WDR62: variants seen among roughly 807,000 people sequenced by gnomAD.
WDR62 encodes WD repeat-containing protein 62.
A neutral mutation model predicts 160.6 loss-of-function variants in WDR62; 112 were observed. The ratio of observed to expected loss-of-function variants is 0.70; its 90% CI spans 0.60 to 0.82. WDR62 has a LOEUF of 0.82. Among genes scored for constraint, WDR62 ranks in the 40% least tolerant of loss-of-function variants. WDR62 has a pLI of 0.00. For synonymous variants in WDR62, 792 were observed against 815.1 expected, an observed-to-expected ratio of 0.97 and a Z score of 0.48; for missense variants, 1,819 against 1,983.8, an observed-to-expected ratio of 0.92 and a Z score of 1.58.
intron 9 of WDR62, among the ~76,000 whole-genome samples, chr19:36,080,268 C>T (rs1313431088): frequency 8.0e-5 from 12 of 150,522 alleles, no homozygotes; most frequent in Non-Finnish European, 1.5e-4. Flanking sequence ...CCACCACGCC[C>T]GGCTAATTTT....
At chr19:36,101,089 G>A (rs1013618841) in intron 23 of WDR62, 125 bp from the exon 24 acceptor site, 22 of 1,164,810 alleles carry the variant, frequency 1.9e-5, no homozygotes, top group African/African-American at 9.1e-5. Context: ...TGGAGGAGGC[G>A]GGGAGGCTGT....
chr19:36,093,608 A>G (rs1014766978), intron 19 of WDR62, among the ~76,000 whole-genome samples: 3 of 152,020 alleles, frequency 2.0e-5, no homozygotes, highest in Non-Finnish European at 4.4e-5. Context: ...TGTTAGAGAT[A>G]TCTTGCTTTT....
chr19:36,092,301 ACT>A (rs934733933), intron 18 of WDR62, among the ~76,000 whole-genome samples: 3 of 148,596 alleles, frequency 2.0e-5, no homozygotes, highest in African/African-American at 5.0e-5. Flanking sequence ...ACAGAGCAAG[ACT>A]CTCTCAAAAA....
intron 9 of WDR62, among the ~76,000 whole-genome samples, chr19:36,079,606 C>T (rs1362345344): frequency 2.0e-5 from 3 of 152,236 alleles, no homozygotes; most frequent in African/African-American, 2.4e-5. Flanking sequence ...ACCCCTTGCA[C>T]TCAACTGCTG....
intron 22 of WDR62, among the ~76,000 whole-genome samples, chr19:36,100,257 A>G (rs1350297743): frequency 6.6e-6 from 1 of 152,186 alleles, no homozygotes; most frequent in Non-Finnish European, 1.5e-5. Context: ...TCCAAACAAA[A>G]TTCATTTTTA....
At chr19:36,095,907 C>G (rs1548506) in intron 20 of WDR62, among the ~76,000 whole-genome samples, 92,042 of 152,120 alleles carry the variant, frequency 0.61, 28,189 homozygotes, top group African/African-American at 0.69. Flanking sequence ...ACAAAGCAGA[C>G]GCCTGCGAAA....
At chr19:36,095,771 G>A (rs62109757) in intron 20 of WDR62, among the ~76,000 whole-genome samples, 20,745 of 152,240 alleles carry the variant, frequency 0.14, 1,730 homozygotes, top group Middle Eastern at 0.25. Context: ...TCCAGCCTGG[G>A]TGACAAAGCA....
At chr19:36,102,177 G>C (rs1466808195) in intron 26 of WDR62, 26 bp downstream of exon 26, 7 of 1,613,676 alleles carry the variant, frequency 4.3e-6, no homozygotes, top group Non-Finnish European at 5.9e-6. Flanking sequence ...ACCCACACCT[G>C]CCGAGGCCGT....
In WDR62 at chr19:36,102,982, T is replaced by C; in HGVS notation, c.3370T>C (p.Cys1124Arg). 1 of 1,614,136 alleles carries C rather than the reference T, an allele frequency of 6.2e-7. No individual in the cohort carries two copies. The highest frequency in any genetic ancestry group is 1.1e-5 in the South Asian group (1 of 91,084). ...THTFPPRATQ[C>R]LVKSPEVKLM... is the part of the protein sequence containing the mutation. ...TACCTTCCCTCCCCGGGCAACCCAG[T>C]GCCTTGTGAAGTCTCCAGAGGTCAA... The change falls in exon 28 of 32, where the codon TGC becomes CGC. Residue 1124 changes from cysteine (C) to arginine (R), a missense_variant. This residue lies in a region of WDR62 where 770 missense variants were observed against 734.2 expected (regional missense o/e 1.05). Coordinates refer to ENST00000401500, the MANE Select transcript of WDR62 (RefSeq NM_001083961.2).
rs765881142 is a variant in WDR62 at position 36,103,638 on chromosome 19, C to T, written c.3810C>T (p.Thr1270=). ...SLGQELQAIT[T]ATTPSLDSEG... Reference sequence around the variant, plus strand: ...GCCAGGAGCTTCAGGCCATCACCACCGCGACAACACCCAGTTTGGACAGTG... The same window carrying T: ...GCCAGGAGCTTCAGGCCATCACCACTGCGACAACACCCAGTTTGGACAGTG... The change falls in exon 30 of 32, where the codon ACC becomes ACT. Residue 1270 remains threonine, a synonymous_variant. Transcript: ENST00000401500. 73 of 1,609,762 alleles carry T rather than the reference C, an allele frequency of 4.5e-5. No homozygotes were observed. The East Asian group carries it at 6.5e-4, about 14-fold the overall frequency.
At chr19:36,073,860 A>G in intron 9 of WDR62, 2 of 394,798 alleles carry the variant, frequency 5.1e-6, no homozygotes, top group South Asian at 1.9e-5. Flanking sequence ...CTGAGGACAT[A>G]TGAGCAGAGA....
chr19:36,091,351 C>T, intron 17 of WDR62, 40 bp downstream of exon 17: 1 of 1,598,296 alleles, frequency 6.3e-7, no homozygotes, highest in Non-Finnish European at 8.6e-7. Context: ...CCCCACCCGC[C>T]CACACCCTCT....
chr19:36,081,414 T>C lies in WDR62; in HGVS notation c.1234-19T>C, dbSNP rs768682894. 6.2e-7 allele frequency: 1 copy of C among 1,614,034 alleles called. No homozygotes were observed. Among genetic ancestry groups the C allele is most frequent in the Non-Finnish European group, 8.5e-7 (1 of 1,180,000 alleles). On this transcript the variant is annotated intron_variant, in intron 9 of 31. Transcript: ENST00000401500. ...GCTGTCATTGAGTCATCCTTTGCCT[T>C]GTCCTCTGGGAACTGTAGGTGTATC...
chr19:36,067,208 G>C (rs1403785672), intron 5 of WDR62, 98 bp from the exon 6 acceptor site: 3 of 1,535,002 alleles, frequency 2.0e-6, no homozygotes, highest in Non-Finnish European at 2.7e-6. Flanking sequence ...GACAGACTTG[G>C]AGTGGGGACG....
At position 36,087,290 on chromosome 19, in the gene WDR62, A is replaced by C. The variant is rs186011504; in HGVS notation, c.1768+478A>C. 6.6e-5 allele frequency among the ~76,000 whole-genome samples: 10 copies of C among 152,002 alleles called. 1 individual carries two copies. The East Asian group carries it at 9.7e-4, about 15-fold the overall frequency. Reference sequence around the variant, plus strand: ...GGGAGGCCAAGGCAGGTAGATCATGAGGTCAGGAGTTCGAGACCAGTCTGG... The same window carrying C: ...GGGAGGCCAAGGCAGGTAGATCATGCGGTCAGGAGTTCGAGACCAGTCTGG... On this transcript the variant is annotated intron_variant, in intron 13 of 31. Transcript: ENST00000401500.
intron 17 of WDR62, 41 bp from the exon 18 acceptor site, chr19:36,091,361 T>C: frequency 8.0e-6 from 10 of 1,251,890 alleles, no homozygotes; most frequent in Non-Finnish European, 1.0e-5. Flanking sequence ...CCACACCCTC[T>C]GACTCCGAAG....
chr19:36,058,890 C>G lies in WDR62; in HGVS notation c.269+19C>G. On this transcript the variant is annotated intron_variant, in intron 2 of 31. Transcript: ENST00000401500. ...TGGCAGGGTAAGCAGATAAGGGCCT[C>G]GACGTCTAATCATTGCTAGGGAATT... 1 of 1,597,134 alleles carries G rather than the reference C, an allele frequency of 6.3e-7. No individual in the cohort carries two copies. The highest frequency in any genetic ancestry group is 8.6e-7 in the Non-Finnish European group (1 of 1,165,030).
At chr19:36,076,232 T>TC (rs758869004) in intron 9 of WDR62, among the ~76,000 whole-genome samples, 2 of 151,842 alleles carry the variant, frequency 1.3e-5, no homozygotes, top group Non-Finnish European at 2.9e-5. Context: ...CTGTCACACA[T>TC]CAGGAATCAA....
At chr19:36,056,555 C>T (rs1225772965) in intron 1 of WDR62, among the ~76,000 whole-genome samples, 1 of 152,220 alleles carries the variant, frequency 6.6e-6, no homozygotes, top group African/African-American at 2.4e-5. Context: ...AAGGCCTTCT[C>T]GAACCCCATT....
Sources: gnomAD v4.1 joint callset for allele counts (sites outside exome capture counted in the v4.1 genomes callset) on GRCh38, gnomAD v4.1.1 for gene constraint, gnomAD v4.1.1 regional missense constraint, MANE v1.5 for transcripts, NCBI Gene and HGNC (gene_info 2026-07-23, HGNC 2026-07-21) for gene names.